RGS7: variants seen among roughly 807,000 people sequenced by gnomAD.
The protein encoded by RGS7 is regulator of G protein signaling 7, also known as regulator of G-protein signaling 7.
RGS7 carries 27 observed loss-of-function variants against 81.1 expected under a neutral mutation model. The ratio of observed to expected loss-of-function variants is 0.33; its 90% CI spans 0.25 to 0.46. RGS7 has a LOEUF of 0.46. Among genes scored for constraint, RGS7 ranks in the 20% least tolerant of loss-of-function variants. The probability of loss-of-function intolerance (pLI) is 1.00; values close to 1 mark genes in which losing one functional copy is unlikely to be tolerated. For missense variants in RGS7, 396 were observed against 607.4 expected, an observed-to-expected ratio of 0.65 and a Z score of 3.66; for synonymous variants, 208 against 207.7, an observed-to-expected ratio of 1.00 and a Z score of -0.01.
intron 2 of RGS7, among the ~76,000 whole-genome samples, chr1:241,312,889 A>G (rs2080633653): frequency 6.6e-6 from 1 of 152,218 alleles, no homozygotes; most frequent in African/African-American, 2.4e-5. Context: ...GTTATTGAAG[A>G]AAATTAAAAG....
At position 240,868,745 on chromosome 1, in the gene RGS7, C is replaced by A; in HGVS notation, c.527+31G>T. 6.2e-7 allele frequency: 1 copy of A among 1,612,292 alleles called. No homozygotes were observed. The highest frequency in any genetic ancestry group is 1.3e-5 in the African/African-American group (1 of 74,896). On this transcript the variant is annotated intron_variant, in intron 8 of 18. Coordinates refer to ENST00000440928, the MANE Select transcript of RGS7 (RefSeq NM_001364886.1). This position sits in a 1 kb window ranked among gnomAD's most constrained non-coding sequence, Gnocchi z 5.1. ...CTGAACAAAAAGGCCACAACTGGAA[C>A]AAATCTTCCAAACGACTCACAAGGA...
chr1:241,162,438 C>A (rs946138087), intron 2 of RGS7, among the ~76,000 whole-genome samples: 3 of 152,336 alleles, frequency 2.0e-5, no homozygotes, highest in African/African-American at 7.2e-5. Flanking sequence ...GGACAGCCCG[C>A]TCCGAAGGAA....
At chr1:241,293,470 G>A (rs2148461871) in intron 2 of RGS7, among the ~76,000 whole-genome samples, 1 of 152,192 alleles carries the variant, frequency 6.6e-6, no homozygotes, top group East Asian at 1.9e-4. Flanking sequence ...ACAGCTCCAT[G>A]CCTATTACTG....
intron 6 of RGS7, among the ~76,000 whole-genome samples, chr1:240,915,057 C>T (rs1200424619): frequency 6.6e-6 from 1 of 152,136 alleles, no homozygotes; most frequent in Non-Finnish European, 1.5e-5. Flanking sequence ...TCCAGGAGCC[C>T]TACTAGGTTT....
chr1:241,254,027 C>A (rs951548516), intron 2 of RGS7, among the ~76,000 whole-genome samples: 1 of 151,700 alleles, frequency 6.6e-6, no homozygotes, highest in Non-Finnish European at 1.5e-5. Flanking sequence ...GATGAAACAC[C>A]ATCTCCACTA....
chr1:241,007,991 A>T (rs1467961375), intron 3 of RGS7, among the ~76,000 whole-genome samples: 1 of 152,192 alleles, frequency 6.6e-6, no homozygotes, highest in East Asian at 1.9e-4. Flanking sequence ...TAAAAGAATG[A>T]GGACATTTAA....
At chr1:241,098,340 C>A (rs891692031) in intron 3 of RGS7, among the ~76,000 whole-genome samples, 7 of 152,204 alleles carry the variant, frequency 4.6e-5, no homozygotes, top group Non-Finnish European at 7.4e-5. Context: ...AAAAAGAAAT[C>A]ACTGATTTTT....
intron 3 of RGS7, among the ~76,000 whole-genome samples, chr1:241,030,612 C>T (rs1215026461): frequency 6.6e-6 from 1 of 151,558 alleles, no homozygotes; most frequent in Admixed American, 6.6e-5. Flanking sequence ...CTCTGTTACT[C>T]AAAGAAATCT....
At position 241,141,048 on chromosome 1, in the gene RGS7, G is replaced by A. The variant is rs374971366; in HGVS notation, c.79-42286C>T. Reference sequence around the variant, plus strand: ...CATAAAAATGTAAAAGTTTTTTCCAGTTTCCCTAAAGTCATCTGAGCAGCT... The same window carrying A: ...CATAAAAATGTAAAAGTTTTTTCCAATTTCCCTAAAGTCATCTGAGCAGCT... On this transcript the variant is annotated intron_variant, in intron 2 of 18. Coordinates refer to ENST00000440928, the MANE Select transcript of RGS7 (RefSeq NM_001364886.1). 3.9e-5 allele frequency among the ~76,000 whole-genome samples: 6 copies of A among 152,224 alleles called. No homozygotes were observed. In the South Asian group the frequency reaches 6.2e-4, roughly 16 times the overall value.
At chr1:241,080,479 A>G (rs932329716) in intron 3 of RGS7, among the ~76,000 whole-genome samples, 2 of 152,064 alleles carry the variant, frequency 1.3e-5, no homozygotes, top group Non-Finnish European at 2.9e-5. Flanking sequence ...TAGATTAACT[A>G]CCTAGGACGT....
intron 3 of RGS7, among the ~76,000 whole-genome samples, chr1:241,048,778 A>G (rs920350393): frequency 1.3e-5 from 2 of 152,116 alleles, no homozygotes; most frequent in Non-Finnish European, 2.9e-5. Flanking sequence ...TTGTCATGAC[A>G]ATGTGCCACC....
intron 6 of RGS7, among the ~76,000 whole-genome samples, chr1:240,878,769 C>CT (rs1406086041): frequency 1.3e-5 from 2 of 151,926 alleles, no homozygotes; most frequent in African/African-American, 2.4e-5. Flanking sequence ...CTGCAATCTG[C>CT]TTTTTTTCAC....
chr1:241,342,946 A>G (rs1356521621), intron 2 of RGS7, among the ~76,000 whole-genome samples: 1 of 152,112 alleles, frequency 6.6e-6, no homozygotes, highest in Non-Finnish European at 1.5e-5. Flanking sequence ...ACTAGAGAAC[A>G]CGGTATGGCA....
intron 9 of RGS7, among the ~76,000 whole-genome samples, chr1:240,849,810 G>A (rs1430157934): frequency 1.3e-5 from 2 of 152,174 alleles, no homozygotes; most frequent in Admixed American, 6.5e-5. Flanking sequence ...CCTGTAGAAC[G>A]ATGAGCCAAT....
chr1:241,031,527 T>A (rs1200051015), intron 3 of RGS7, among the ~76,000 whole-genome samples: 1 of 152,198 alleles, frequency 6.6e-6, no homozygotes, highest in Non-Finnish European at 1.5e-5. Context: ...GGTAGTTTTA[T>A]TTTTTAGTAC....
chr1:240,794,277 A>T (rs559995527), intron 18 of RGS7, among the ~76,000 whole-genome samples: 1 of 152,272 alleles, frequency 6.6e-6, no homozygotes, highest in South Asian at 2.1e-4. Flanking sequence ...GTAGAGATTG[A>T]TATCAAGGGA....
intron 4 of RGS7, among the ~76,000 whole-genome samples, chr1:240,969,998 A>G (rs1682945285): frequency 6.6e-6 from 1 of 152,254 alleles, no homozygotes; most frequent in African/African-American, 2.4e-5. Context: ...CTTGGAGTTC[A>G]GAATAATATA....
At position 241,242,799 on chromosome 1, in the gene RGS7, C is replaced by T. The variant is rs181274920; in HGVS notation, c.78+112900G>A. 4.5e-3 allele frequency among the ~76,000 whole-genome samples: 691 copies of T among 152,198 alleles called. 5 individuals carry two copies. Among genetic ancestry groups the T allele is most frequent in the African/African-American group, 0.016 (671 of 41,526 alleles). ...CATCTTCTTTTGAGAATTGTCTATT[C>T]ATGTCCTTAGTTCACTTTTTGATGA... On this transcript the variant is annotated intron_variant, in intron 2 of 18. Coordinates refer to ENST00000440928, the MANE Select transcript of RGS7 (RefSeq NM_001364886.1).
In RGS7 at chr1:240,995,368, T is replaced by C. The variant is rs1482017354; in HGVS notation, c.176-12239A>G. Reference sequence around the variant, plus strand: ...GCTTCATAAAATGAATTGAGAGATATTCTCTCCTCTTCTGTTTTCTGGAAG... The same window carrying C: ...GCTTCATAAAATGAATTGAGAGATACTCTCTCCTCTTCTGTTTTCTGGAAG... On this transcript the variant is annotated intron_variant, in intron 3 of 18. Coordinates refer to ENST00000440928, the MANE Select transcript of RGS7 (RefSeq NM_001364886.1). 5.3e-5 allele frequency among the ~76,000 whole-genome samples: 8 copies of C among 152,226 alleles called. No homozygotes were observed. The South Asian group carries it at 8.3e-4, about 16-fold the overall frequency.
Sources: gnomAD v4.1 joint callset for allele counts (sites outside exome capture counted in the v4.1 genomes callset) on GRCh38, gnomAD v4.1.1 for gene constraint, Gnocchi (gnomAD v3.1) non-coding constraint, MANE v1.5 for transcripts, NCBI Gene and HGNC (gene_info 2026-07-23, HGNC 2026-07-21) for gene names.